MYO3B: variants seen among roughly 807,000 people sequenced by gnomAD.
MYO3B encodes myosin-IIIb.
In MYO3B, 156 loss-of-function variants were observed where a neutral mutation model predicts 174.6. That is an observed-to-expected ratio of 0.89 (90% CI 0.78 to 1.02). MYO3B has a LOEUF of 1.02. Among genes scored for constraint, MYO3B ranks in the 50% least tolerant of loss-of-function variants. The probability of loss-of-function intolerance (pLI) is 0.00; values close to 1 mark genes in which losing one functional copy is unlikely to be tolerated. For missense variants in MYO3B, 1,632 were observed against 1,639.4 expected (o/e 1.00, Z 0.08); for synonymous variants, 563 against 569.1 (o/e 0.99, Z 0.15).
intron 25 of MYO3B, among the ~76,000 whole-genome samples, chr2:170,494,179 G>A (rs1017947034): frequency 6.6e-6 from 1 of 152,250 alleles, no homozygotes; most frequent in Non-Finnish European, 1.5e-5. Context: ...GCAGGAGGAT[G>A]TATCTCTAGT....
chr2:170,237,808 C>T (rs1269281344), intron 7 of MYO3B, among the ~76,000 whole-genome samples: 4 of 152,110 alleles, frequency 2.6e-5, no homozygotes, highest in African/African-American at 9.7e-5. Flanking sequence ...TTTCTCTCCC[C>T]CTAGTGTAAC....
At chr2:170,528,568 G>A (rs1689144647) in intron 30 of MYO3B, among the ~76,000 whole-genome samples, 1 of 152,042 alleles carries the variant, frequency 6.6e-6, no homozygotes, top group Non-Finnish European at 1.5e-5. Context: ...ACCATGACCA[G>A]CTAATTTTTG....
At chr2:170,217,538 T>G in intron 6 of MYO3B, 143 bp downstream of exon 6, 1 of 726,404 alleles carries the variant, frequency 1.4e-6, no homozygotes, top group Admixed American at 2.1e-5. Flanking sequence ...AGTACTAGTT[T>G]GGTCAGCGAT....
At chr2:170,288,277 T>C (rs192262269) in intron 7 of MYO3B, among the ~76,000 whole-genome samples, 171 of 152,080 alleles carry the variant, frequency 1.1e-3, no homozygotes, top group Non-Finnish European at 2.9e-4. Flanking sequence ...ATTGGTATTC[T>C]AATAGGGACT....
At chr2:170,308,558 A>C (rs2093716284) in intron 7 of MYO3B, among the ~76,000 whole-genome samples, 1 of 152,088 alleles carries the variant, frequency 6.6e-6, no homozygotes, top group Non-Finnish European at 1.5e-5. Flanking sequence ...AATCTTTACT[A>C]TCTGAGGCAT....
intron 7 of MYO3B, among the ~76,000 whole-genome samples, chr2:170,299,693 C>T (rs770731313): frequency 5.3e-5 from 8 of 152,206 alleles, no homozygotes; most frequent in East Asian, 3.8e-4. Context: ...AATTAGAAAT[C>T]GAGCAGTCTA....
chr2:170,559,819 A>G (rs1691586997), intron 32 of MYO3B, among the ~76,000 whole-genome samples: 1 of 151,950 alleles, frequency 6.6e-6, no homozygotes, highest in African/African-American at 2.4e-5. Context: ...CCGGTCCCAC[A>G]TTGTCCCCTC....
At chr2:170,240,608 A>T (rs916513976) in intron 7 of MYO3B, among the ~76,000 whole-genome samples, 1 of 152,228 alleles carries the variant, frequency 6.6e-6, no homozygotes, top group Admixed American at 6.5e-5. Context: ...GATGAATTAC[A>T]TATGTTGAGC....
chr2:170,498,696 A>G lies in MYO3B; in HGVS notation c.3119A>G (p.Lys1040Arg). 6.3e-7 allele frequency: 1 copy of G among 1,589,800 alleles called. No homozygotes were observed. Among genetic ancestry groups the G allele is most frequent in the Non-Finnish European group, 8.6e-7 (1 of 1,158,134 alleles). ...KSRLDHWVLG[K>R]TKVFLKYYHV... ...AGATTAGATCACTGGGTACTGGGAA[A>G]AACAAAGGTAGTTCGTTCTTTATTG... Residue 1040 changes from lysine to arginine, a missense_variant, in exon 26 of 35, where the codon AAA becomes AGA. Coordinates refer to ENST00000408978, the MANE Select transcript of MYO3B (RefSeq NM_138995.5).
chr2:170,585,807 T>A (rs1425400910), intron 32 of MYO3B, among the ~76,000 whole-genome samples: 2 of 152,150 alleles, frequency 1.3e-5, no homozygotes, highest in Admixed American at 1.3e-4. Flanking sequence ...ATCCCAGCAC[T>A]TTAGGAGGCT....
chr2:170,601,686 G>C, intron 32 of MYO3B: 1 of 1,513,294 alleles, frequency 6.6e-7, no homozygotes. Flanking sequence ...TCTTTTTCTT[G>C]CTTTTTTCAG....
At chr2:170,621,767 C>A (rs1356711315) in intron 32 of MYO3B, among the ~76,000 whole-genome samples, 1 of 152,116 alleles carries the variant, frequency 6.6e-6, no homozygotes, top group Non-Finnish European at 1.5e-5. Context: ...CCGCCTCGGC[C>A]TCCCAAAGTA....
At chr2:170,212,246 A>G (rs188368441) in intron 3 of MYO3B, among the ~76,000 whole-genome samples, 3 of 31,578 alleles carry the variant, frequency 9.5e-5, no homozygotes, top group African/African-American at 4.2e-4. Flanking sequence ...TCCCTCTCAA[A>G]AAAAAAAAAA....
At chr2:170,571,283 G>A (rs750498390) in intron 32 of MYO3B, among the ~76,000 whole-genome samples, 8 of 152,278 alleles carry the variant, frequency 5.3e-5, no homozygotes, top group South Asian at 2.1e-4. Flanking sequence ...ATGTTGTTAT[G>A]TACACGATGA....
At chr2:170,401,006 A>G (rs1459990521) in intron 17 of MYO3B, among the ~76,000 whole-genome samples, 1 of 152,106 alleles carries the variant, frequency 6.6e-6, no homozygotes, top group South Asian at 2.1e-4. Context: ...CTAAATCAGC[A>G]TATACAGGAG....
intron 32 of MYO3B, among the ~76,000 whole-genome samples, chr2:170,547,394 G>A (rs1690588705): frequency 6.6e-6 from 1 of 151,556 alleles, no homozygotes; most frequent in Non-Finnish European, 1.5e-5. Context: ...CTCACATTAA[G>A]AGAAAAGCAC....
intron 32 of MYO3B, among the ~76,000 whole-genome samples, chr2:170,545,838 CT>C (rs1690447515): frequency 6.6e-6 from 1 of 152,162 alleles, no homozygotes; most frequent in Non-Finnish European, 1.5e-5. Context: ...CTCCATTCTT[CT>C]GCTTTAGCTT....
intron 32 of MYO3B, among the ~76,000 whole-genome samples, chr2:170,610,857 AT>A (rs1695088910): frequency 6.6e-6 from 1 of 152,242 alleles, no homozygotes; most frequent in Non-Finnish European, 1.5e-5. Flanking sequence ...TGTTCTAATT[AT>A]TGAGCAATTT....
chr2:170,436,153 G>A (rs969776334), intron 22 of MYO3B, among the ~76,000 whole-genome samples: 8 of 152,112 alleles, frequency 5.3e-5, no homozygotes, highest in Admixed American at 3.3e-4. Flanking sequence ...TCTGACTTCC[G>A]TTTTCTCCTT....
Sources: allele counts gnomAD v4.1 joint callset (sites outside exome capture counted in the v4.1 genomes callset), GRCh38; gene constraint gnomAD v4.1.1; transcripts MANE v1.5; gene names NCBI Gene and HGNC (gene_info 2026-07-23, HGNC 2026-07-21).